ASTN2: variants seen among roughly 807,000 people sequenced by gnomAD.
ASTN2 encodes astrotactin-2.
In ASTN2, 54 loss-of-function variants were observed where a neutral mutation model predicts 139.8. The observed-to-expected ratio is 0.39, with a 90% CI of 0.31 to 0.48. The LOEUF is 0.48. ASTN2 is among the 20% of genes least tolerant of loss of function. The pLI, the probability that ASTN2 is intolerant of heterozygous loss-of-function variation, is 0.95. For missense variants in ASTN2, 1,565 were observed against 1,725.1 expected (o/e 0.91, Z 1.64); for synonymous variants, 756 against 719.5 (o/e 1.05, Z -0.81).
At chr9:116,892,773 C>T (rs1194097217) in intron 10 of ASTN2, among the ~76,000 whole-genome samples, 1 of 152,110 alleles carries the variant, frequency 6.6e-6, no homozygotes, top group African/African-American at 2.4e-5. Context: ...TCAAATGTCA[C>T]CTGCTCAGTG....
chr9:117,159,575 A>C (rs1471806398), intron 3 of ASTN2, among the ~76,000 whole-genome samples: 1 of 152,020 alleles, frequency 6.6e-6, no homozygotes, highest in Non-Finnish European at 1.5e-5. Context: ...ATTGAGCATC[A>C]ATTCATTATT....
chr9:116,665,637 G>A lies in ASTN2; in HGVS notation c.2807-13844C>T, dbSNP rs567332868. Among the ~76,000 whole-genome samples, 7 of 152,250 alleles carry A rather than the reference G, an allele frequency of 4.6e-5. No homozygotes were observed. The East Asian group carries it at 1.4e-3, about 29-fold the overall frequency. Reference sequence around the variant, plus strand: ...CAAGTCTGGAACAAGTATGGTACAAGCTGAGCCTGGGATGTTTTGTTGTAA... The same window carrying A: ...CAAGTCTGGAACAAGTATGGTACAAACTGAGCCTGGGATGTTTTGTTGTAA... On this transcript the variant is annotated intron_variant, in intron 16 of 22. Transcript: ENST00000313400.
intron 16 of ASTN2, among the ~76,000 whole-genome samples, chr9:116,717,811 G>A (rs573865754): frequency 6.6e-6 from 1 of 152,322 alleles, no homozygotes; most frequent in South Asian, 2.1e-4. Context: ...AACCCTTTGA[G>A]ACTGCAAGAA....
chr9:116,699,087 G>C lies in ASTN2; in HGVS notation c.2806+26684C>G. ...GCTGATTGGTGTGACTGACAGCTAT[G>C]ATAACTCCCTCAAGGTATATACCTT... On this transcript the variant is annotated intron_variant, in intron 16 of 22. Transcript: ENST00000313400. The surrounding 1 kb of genome is among the most constrained non-coding windows in gnomAD (Gnocchi z 4.2). 1 of 1,614,064 alleles carries C rather than the reference G, an allele frequency of 6.2e-7. No homozygotes were observed. The highest frequency in any genetic ancestry group is 1.1e-5 in the South Asian group (1 of 91,076).
rs376579125 is a variant in ASTN2, at chr9:117,414,606, G to A, written c.333C>T (p.Ala111=). The change falls in exon 1 of 23, where the codon GCC becomes GCT. Residue 111 remains alanine (A), a synonymous_variant. Coordinates refer to ENST00000313400, the MANE Select transcript of ASTN2 (RefSeq NM_001365068.1). The surrounding 1 kb of genome is among the most constrained non-coding windows in gnomAD (Gnocchi z 4.2). ...AAASPGSPGS[A]GTAAESRLLL... is the part of the protein sequence containing the mutation. ...GGAGGCGCGACTCGGCGGCGGTGCC[G>A]GCAGAGCCAGGAGAGCCCGGGGACG... is the stretch of plus-strand genomic sequence containing the variant. 11 of 1,565,854 alleles carry A rather than the reference G, an allele frequency of 7.0e-6. No homozygotes were observed. Among genetic ancestry groups the A allele is most frequent in the Middle Eastern group, 2.3e-4 (1 of 4,288 alleles).
intron 5 of ASTN2, among the ~76,000 whole-genome samples, chr9:117,079,151 T>G (rs978614312): frequency 5.5e-4 from 83 of 151,880 alleles, no homozygotes; most frequent in African/African-American, 1.9e-3. Flanking sequence ...AGTCCAGGAG[T>G]TTGAGACCAG....
chr9:116,873,655 C>T (rs913162804), intron 10 of ASTN2, among the ~76,000 whole-genome samples: 3 of 152,108 alleles, frequency 2.0e-5, no homozygotes. Context: ...CTGTGTGTCC[C>T]CACCCAAATG....
intron 19 of ASTN2, among the ~76,000 whole-genome samples, chr9:116,499,145 A>G (rs1398183765): frequency 6.6e-6 from 1 of 152,154 alleles, no homozygotes; most frequent in African/African-American, 2.4e-5. Flanking sequence ...TCCAAGCACT[A>G]GTGATAATTT....
At chr9:116,500,022 CTGCCAGACACCACACCCCAG>C (rs1326519240) in intron 19 of ASTN2, among the ~76,000 whole-genome samples, 2 of 152,122 alleles carry the variant, frequency 1.3e-5, no homozygotes, top group Non-Finnish European at 2.9e-5. Context: ...CTTTATCTAT[CTGCCAGACACCACACCCCAG>C]GAAATCTCCC....
At chr9:117,295,676 G>A (rs546740135) in intron 1 of ASTN2, among the ~76,000 whole-genome samples, 1 of 151,668 alleles carries the variant, frequency 6.6e-6, no homozygotes, top group South Asian at 2.1e-4. Context: ...ACACTTACTT[G>A]CACACATCCA....
rs1328791913 is a variant in ASTN2 at position 116,424,989 on chromosome 9, T to C, written c.*862A>G. On this transcript the variant is annotated 3_prime_UTR_variant, in exon 23 of 23. Coordinates refer to ENST00000313400, the MANE Select transcript of ASTN2 (RefSeq NM_001365068.1). ...AGGAAGCATTTCAGGAGCCCTCCAG[T>C]GTGTCTCATGCTCTAACAGTGAGTG... is the stretch of plus-strand genomic sequence containing the variant. 6.6e-6 allele frequency among the ~76,000 whole-genome samples: 1 copy of C among 152,128 alleles called. No homozygotes were observed. Among genetic ancestry groups the C allele is most frequent in the Non-Finnish European group, 1.5e-5 (1 of 68,018 alleles).
intron 7 of ASTN2, among the ~76,000 whole-genome samples, chr9:116,992,822 A>G (rs1441353103): frequency 2.6e-5 from 4 of 152,196 alleles, no homozygotes; most frequent in Middle Eastern, 6.8e-3. Context: ...TTTGCTAACT[A>G]CCTCCAATAC....
chr9:117,284,827 A>G (rs943573508), intron 2 of ASTN2, among the ~76,000 whole-genome samples: 1 of 152,250 alleles, frequency 6.6e-6, no homozygotes, highest in Non-Finnish European at 1.5e-5. Flanking sequence ...GAGAAAGTAC[A>G]TGCTCAAATC....
intron 10 of ASTN2, among the ~76,000 whole-genome samples, chr9:116,946,936 C>CAAAAAAAAAAAAAAAAAAAAAAAAAAAA (rs3983292): frequency 2.2e-4 from 28 of 127,900 alleles, no homozygotes; most frequent in African/African-American, 8.6e-4. Context: ...ACATTTTTGT[C>CAAAAAAAAAAAAAAAAAAAAAAAAAAAA]AAAAAAAAAA....
chr9:117,316,385 CAGAT>C (rs1378936941), intron 1 of ASTN2, among the ~76,000 whole-genome samples: 10 of 152,064 alleles, frequency 6.6e-5, no homozygotes, highest in African/African-American at 1.7e-4. Context: ...GAATGAATGA[CAGAT>C]GGATGGAGGG....
In ASTN2 at chr9:116,465,520, G is replaced by T. The variant is rs115789240; in HGVS notation, c.3497+21839C>A. On this transcript the variant is annotated intron_variant, in intron 20 of 22. Transcript: ENST00000313400. The stretch of plus-strand genomic sequence containing the variant: ...TACAGGTATTGATTGACATAAAAGG[G>T]GGGAAGAGTTCCCAGGAGAGAGATA... 2.9e-3 allele frequency among the ~76,000 whole-genome samples: 434 copies of T among 152,250 alleles called. 4 individuals are homozygous for T. The highest frequency in any genetic ancestry group is 9.9e-3 in the African/African-American group (410 of 41,530).
intron 4 of ASTN2, among the ~76,000 whole-genome samples, chr9:117,139,983 T>C (rs1212303089): frequency 6.6e-6 from 1 of 152,236 alleles, no homozygotes; most frequent in Non-Finnish European, 1.5e-5. Flanking sequence ...AGGTTCTCCC[T>C]GGCCCCACCA....
intron 16 of ASTN2, among the ~76,000 whole-genome samples, chr9:116,691,946 T>G (rs1051950178): frequency 2.0e-5 from 3 of 152,224 alleles, no homozygotes; most frequent in Non-Finnish European, 4.4e-5. Context: ...GACCTTTATG[T>G]CTTGTGAAAG....
chr9:117,139,741 T>C (rs1029757472), intron 4 of ASTN2, among the ~76,000 whole-genome samples: 1 of 152,114 alleles, frequency 6.6e-6, no homozygotes, highest in African/African-American at 2.4e-5. Context: ...CAAAAGACAA[T>C]GATATCACAC....
Sources: gnomAD v4.1 joint callset for allele counts (sites outside exome capture counted in the v4.1 genomes callset) on GRCh38, gnomAD v4.1.1 for gene constraint, Gnocchi (gnomAD v3.1) non-coding constraint, MANE v1.5 for transcripts, NCBI Gene and HGNC (gene_info 2026-07-23, HGNC 2026-07-21) for gene names.